The following ADAMTS19 variants were observed in gnomAD, a reference collection of about 807,000 sequenced individuals.
ADAMTS19 encodes the protein ADAM metallopeptidase with thrombospondin type 1 motif 19, also known as A disintegrin and metalloproteinase with thrombospondin motifs 19.
ADAMTS19 carries 93 observed loss-of-function variants against 153.3 expected under a neutral mutation model. That is an observed-to-expected ratio of 0.61 (90% confidence interval 0.51 to 0.72). The LOEUF (loss-of-function observed/expected upper bound fraction) is 0.72. Ranked by LOEUF, ADAMTS19 falls within the 30% of genes least tolerant of loss-of-function variation. The probability of loss-of-function intolerance (pLI) is 0.00; values close to 1 mark genes in which losing one functional copy is unlikely to be tolerated. For missense variants in ADAMTS19, 1,482 were observed against 1,552.1 expected (o/e 0.95, Z 0.76); for synonymous variants, 600 against 556.6 (o/e 1.08, Z -1.10).
intron 18 of ADAMTS19, among the ~76,000 whole-genome samples, chr5:129,690,296 T>C (rs1755275942): frequency 6.6e-6 from 1 of 152,248 alleles, no homozygotes; most frequent in Non-Finnish European, 1.5e-5. Flanking sequence ...TGGAAGGCTT[T>C]CTTGGAAGTG....
intron 2 of ADAMTS19, among the ~76,000 whole-genome samples, chr5:129,495,961 G>C (rs964864711): frequency 6.6e-6 from 1 of 152,026 alleles, no homozygotes; most frequent in African/African-American, 2.4e-5. Flanking sequence ...TGTATAAAAG[G>C]GAGAGTATGG....
chr5:129,541,870 C>T (rs1372322924), intron 6 of ADAMTS19, among the ~76,000 whole-genome samples: 2 of 152,078 alleles, frequency 1.3e-5, no homozygotes, highest in African/African-American at 4.8e-5. Flanking sequence ...ACAACTTCTA[C>T]CACCAGGCGT....
chr5:129,622,757 G>A (rs1031398442), intron 10 of ADAMTS19, among the ~76,000 whole-genome samples: 5 of 152,044 alleles, frequency 3.3e-5, no homozygotes, highest in Non-Finnish European at 5.9e-5. Flanking sequence ...AAATAATGTA[G>A]TATTTGCATA....
intron 10 of ADAMTS19, among the ~76,000 whole-genome samples, chr5:129,637,965 G>T (rs1752607782): frequency 6.6e-6 from 1 of 152,052 alleles, no homozygotes; most frequent in African/African-American, 2.4e-5. Flanking sequence ...GGGCCTACTT[G>T]AATGGGGAGG....
chr5:129,724,215 A>G (rs967066378), intron 21 of ADAMTS19, among the ~76,000 whole-genome samples: 1 of 152,246 alleles, frequency 6.6e-6, no homozygotes, highest in African/African-American at 2.4e-5. Context: ...GCAGCTTTGC[A>G]TGGCCATTTC....
At chr5:129,482,723 C>G (rs1047522074) in intron 2 of ADAMTS19, among the ~76,000 whole-genome samples, 2 of 152,136 alleles carry the variant, frequency 1.3e-5, no homozygotes, top group African/African-American at 4.8e-5. Context: ...AATAATGTCC[C>G]ATGATATCAC....
In ADAMTS19 at chr5:129,526,258, T is replaced by C. The variant is rs181359769; in HGVS notation, c.914-26T>C. 10 of 1,533,590 alleles carry C rather than the reference T, an allele frequency of 6.5e-6. No individual in the cohort carries two copies. In the East Asian group the frequency reaches 1.2e-4, roughly 19 times the overall value. 95.0% of individuals were successfully genotyped at this position (1,533,590 alleles called of 1,614,324 possible). On this transcript the variant is annotated intron_variant, in intron 3 of 22. Transcript: ENST00000274487. ...TTCACTTTGCCAATATGAAGGTGCATTGAAAAATTCAATTCTCTGTTGCAG... is the reference window on the plus strand; with the variant it reads ...TTCACTTTGCCAATATGAAGGTGCACTGAAAAATTCAATTCTCTGTTGCAG...
chr5:129,460,465 C>G lies in ADAMTS19; in HGVS notation c.74C>G (p.Ser25Trp). ...CCLLYQLGFL[S>W]NGIVSELQFA... Reference sequence around the variant, plus strand: ...CTCCTTTACCAGCTGGGGTTCCTGTCGAATGGGATCGTTTCAGGTAAGTTC... The same window carrying G: ...CTCCTTTACCAGCTGGGGTTCCTGTGGAATGGGATCGTTTCAGGTAAGTTC... Residue 25 changes from serine to tryptophan, a missense_variant, in exon 1 of 23, where the codon TCG becomes TGG. Transcript: ENST00000274487. The G allele has an allele frequency of 1.2e-6, 2 of 1,614,144 alleles. No homozygotes were observed. The highest frequency in any genetic ancestry group is 1.7e-6 in the Non-Finnish European group (2 of 1,180,010).
chr5:129,599,074 A>G (rs1750519549), intron 8 of ADAMTS19, among the ~76,000 whole-genome samples: 1 of 138,252 alleles, frequency 7.2e-6, no homozygotes, highest in Admixed American at 7.8e-5. Context: ...GAATATGAAG[A>G]GTTAATTTAT....
At chr5:129,642,474 T>G (rs1022010040) in intron 11 of ADAMTS19, among the ~76,000 whole-genome samples, 3 of 152,180 alleles carry the variant, frequency 2.0e-5, no homozygotes, top group African/African-American at 7.2e-5. Flanking sequence ...GCTTTAAAAA[T>G]TTGTTAGTAT....
intron 7 of ADAMTS19, among the ~76,000 whole-genome samples, chr5:129,558,534 A>T (rs1261575951): frequency 6.6e-6 from 1 of 152,152 alleles, no homozygotes; most frequent in Admixed American, 6.5e-5. Flanking sequence ...CACTCTACTC[A>T]TGGTCTGAAA....
chr5:129,607,170 G>C (rs1302970726), intron 8 of ADAMTS19, among the ~76,000 whole-genome samples: 4 of 152,140 alleles, frequency 2.6e-5, no homozygotes, highest in Non-Finnish European at 5.9e-5. Context: ...ACCCGCGGTG[G>C]CCTCCCAAAG....
chr5:129,630,344 TA>T (rs1164607282), intron 10 of ADAMTS19, among the ~76,000 whole-genome samples: 1 of 152,072 alleles, frequency 6.6e-6, no homozygotes, highest in Non-Finnish European at 1.5e-5. Context: ...TTGGAGGACA[TA>T]AACTGCATGA....
chr5:129,538,113 C>G (rs1196245971), intron 6 of ADAMTS19, among the ~76,000 whole-genome samples: 1 of 151,762 alleles, frequency 6.6e-6, no homozygotes, highest in Admixed American at 6.6e-5. Context: ...AATATTGCTT[C>G]TGAGACTAAA....
intron 7 of ADAMTS19, among the ~76,000 whole-genome samples, chr5:129,578,151 T>TGC (rs1476897949): frequency 1.1e-4 from 12 of 108,368 alleles, no homozygotes; most frequent in Non-Finnish European, 1.9e-4. Context: ...TATGCATGTA[T>TGC]ATGTACGTAT....
At chr5:129,476,094 G>A (rs1750215384) in intron 2 of ADAMTS19, among the ~76,000 whole-genome samples, 1 of 151,636 alleles carries the variant, frequency 6.6e-6, no homozygotes, top group Non-Finnish European at 1.5e-5. Flanking sequence ...CTGTTTATTT[G>A]TTTGCTTGAT....
rs531524405 is a variant in ADAMTS19 at position 129,696,297 on chromosome 5, A to C, written c.2954+1442A>C. Among the ~76,000 whole-genome samples the C allele has an allele frequency of 3.9e-5, 6 of 152,258 alleles. 1 individual carries two copies. Among genetic ancestry groups the C allele is most frequent in the African/African-American group, 1.4e-4 (6 of 41,558 alleles). On this transcript the variant is annotated intron_variant, in intron 19 of 22. Transcript: ENST00000274487. ...CCAGGCATGGTAGCACATGCCTATAATCCTAGCTACTCGGGAGGCTGAGGC... is the reference window on the plus strand; with the variant it reads ...CCAGGCATGGTAGCACATGCCTATACTCCTAGCTACTCGGGAGGCTGAGGC...
chr5:129,521,288 C>G (rs1474655404), intron 3 of ADAMTS19, among the ~76,000 whole-genome samples: 3 of 152,022 alleles, frequency 2.0e-5, no homozygotes. Flanking sequence ...GAGTATACAT[C>G]TAGGTGTACC....
intron 21 of ADAMTS19, among the ~76,000 whole-genome samples, chr5:129,712,488 A>G (rs1756527738): frequency 2.0e-5 from 3 of 152,146 alleles, no homozygotes; most frequent in Non-Finnish European, 4.4e-5. Context: ...AAAACTTGCT[A>G]CTCACCATTA....
Sources: gnomAD v4.1 joint callset for allele counts (sites outside exome capture counted in the v4.1 genomes callset) on GRCh38, gnomAD v4.1.1 for gene constraint, MANE v1.5 for transcripts, NCBI Gene and HGNC (gene_info 2026-07-23, HGNC 2026-07-21) for gene names.